LCLAT1: variants seen among roughly 807,000 people sequenced by gnomAD.
The protein encoded by LCLAT1 is 1-AGP acyltransferase 8.
A neutral mutation model predicts 30.7 loss-of-function variants in LCLAT1; 11 were observed. The ratio of observed to expected loss-of-function variants is 0.36; its 90% CI spans 0.23 to 0.59. The LOEUF is 0.59. Among genes scored for constraint, LCLAT1 ranks in the 20% least tolerant of loss-of-function variants. The pLI is 0.77. For missense variants in LCLAT1, 402 were observed against 458.6 expected (o/e 0.88, Z 1.13); for synonymous variants, 155 against 151.3 (o/e 1.02, Z -0.18).
intron 5 of LCLAT1, among the ~76,000 whole-genome samples, chr2:30,626,545 T>C (rs575711936): frequency 1.2e-4 from 18 of 152,314 alleles, no homozygotes; most frequent in Non-Finnish European, 2.2e-4. Context: ...TACTTATGCT[T>C]TTTCCCCTCA....
Position 30,525,753 on chromosome 2 carries a change from G to T in LCLAT1, c.163G>T (p.Val55Leu), listed in dbSNP as rs1685687001. Residue 55 changes from valine to leucine, a missense_variant and splice_region_variant, in exon 2 of 6, where the codon GTG becomes TTG. Transcript: ENST00000379509. The stretch of plus-strand genomic sequence containing the variant: ...TGTGGCAACATGGCTCACCCTACCT[G>T]TGGTAAGTTACACACCAGAGGAGAC... ...RLVATWLTLP[V>L]ALLETMFGVK... The T allele has an allele frequency of 6.2e-7, 1 of 1,613,882 alleles. No homozygotes were observed.
At chr2:30,562,592 T>G (rs916759901) in intron 4 of LCLAT1, among the ~76,000 whole-genome samples, 5 of 152,186 alleles carry the variant, frequency 3.3e-5, no homozygotes, top group African/African-American at 1.2e-4. Flanking sequence ...GACTCAGAAC[T>G]CTTGGTTTCT....
intron 2 of LCLAT1, among the ~76,000 whole-genome samples, chr2:30,530,082 C>T (rs1036647081): frequency 6.6e-6 from 1 of 152,152 alleles, no homozygotes; most frequent in Non-Finnish European, 1.5e-5. Context: ...TTGGAAAATG[C>T]TTCCATATTT....
At chr2:30,447,883 C>T (rs540387697) in intron 1 of LCLAT1, among the ~76,000 whole-genome samples, 14 of 152,214 alleles carry the variant, frequency 9.2e-5, no homozygotes, top group Non-Finnish European at 1.5e-4. Context: ...GTTGTCTTCC[C>T]TGCGAGTCCT....
chr2:30,568,245 C>T, intron 5 of LCLAT1, 69 bp downstream of exon 5: 1 of 674,788 alleles, frequency 1.5e-6, no homozygotes, highest in Non-Finnish European at 2.5e-6. Flanking sequence ...ATATATAGCC[C>T]TTTAGAGTTT....
At chr2:30,614,350 T>G (rs1667888374) in intron 5 of LCLAT1, among the ~76,000 whole-genome samples, 1 of 150,328 alleles carries the variant, frequency 6.7e-6, no homozygotes, top group African/African-American at 2.5e-5. Flanking sequence ...AGAAGAATTT[T>G]TCTTAGTACA....
chr2:30,577,011 GTTGAAAATTAT>G (rs1363445856), intron 5 of LCLAT1, among the ~76,000 whole-genome samples: 1 of 151,312 alleles, frequency 6.6e-6, no homozygotes, highest in Non-Finnish European at 1.5e-5. Context: ...ACTTATTAAT[GTTGAAAATTAT>G]TTGCATAGCT....
intron 1 of LCLAT1, chr2:30,459,789 T>G: frequency 7.7e-6 from 8 of 1,035,712 alleles, no homozygotes; most frequent in Non-Finnish European, 1.2e-5. Context: ...AACACAAAGC[T>G]TTTTGAATTG....
chr2:30,503,565 G>A (rs1572537244), intron 1 of LCLAT1, among the ~76,000 whole-genome samples: 1 of 152,216 alleles, frequency 6.6e-6, no homozygotes, highest in African/African-American at 2.4e-5. Flanking sequence ...ACTTAGCATG[G>A]GTGTATGTGG....
At position 30,637,794 on chromosome 2, in the gene LCLAT1, T is replaced by C. The variant is rs550177771; in HGVS notation, c.629-2323T>C. Among the ~76,000 whole-genome samples the C allele has an allele frequency of 2.0e-5, 3 of 152,246 alleles. No homozygotes were observed. The East Asian group carries it at 5.8e-4, about 29-fold the overall frequency. On this transcript the variant is annotated intron_variant, in intron 5 of 5. Transcript: ENST00000379509. ...GGTTTCACCATCTTGGTCAGGCTGG[T>C]CTCGAACTCCTGACCTCAGGTGATC...
At chr2:30,583,217 A>G (rs930291186) in intron 5 of LCLAT1, among the ~76,000 whole-genome samples, 8 of 152,212 alleles carry the variant, frequency 5.3e-5, no homozygotes, top group Non-Finnish European at 1.0e-4. Flanking sequence ...CTTAATTTGC[A>G]ATTTGAGGAG....
At chr2:30,466,341 A>G (rs1175607661) in intron 1 of LCLAT1, among the ~76,000 whole-genome samples, 2 of 149,750 alleles carry the variant, frequency 1.3e-5, no homozygotes, top group South Asian at 2.1e-4. Flanking sequence ...TGATCCTCCC[A>G]CCTTGGCTTC....
In LCLAT1 at chr2:30,450,413, G is replaced by T. The variant is rs116681074; in HGVS notation, c.-5+3030G>T. Reference sequence around the variant, plus strand: ...CCAGGTTGTGAACTCTTAGCTAAGAGAGTGGGAACTCTCCTGCGGGCAGTG... The same window carrying T: ...CCAGGTTGTGAACTCTTAGCTAAGATAGTGGGAACTCTCCTGCGGGCAGTG... On this transcript the variant is annotated intron_variant, in intron 1 of 5. Transcript: ENST00000379509. Among the ~76,000 whole-genome samples the T allele has an allele frequency of 7.6e-3, 1,058 of 139,220 alleles. 11 individuals are homozygous for T. Among genetic ancestry groups the T allele is most frequent in the African/African-American group, 0.026 (1,004 of 38,688 alleles). 91.3% of individuals were successfully genotyped at this position (139,220 alleles called of 152,430 possible). A position where few individuals can be genotyped will look rare whatever the true frequency, so the allele number is the denominator to read the frequency against.
intron 5 of LCLAT1, among the ~76,000 whole-genome samples, chr2:30,573,029 T>C (rs17009805): frequency 0.13 from 19,158 of 152,224 alleles, 1,333 homozygotes; most frequent in South Asian, 0.23. Flanking sequence ...TTTTTCTCAA[T>C]ACTGGTTCAT....
chr2:30,453,065 A>G (rs1447291438), intron 1 of LCLAT1, among the ~76,000 whole-genome samples: 3 of 152,146 alleles, frequency 2.0e-5, no homozygotes, highest in Non-Finnish European at 2.9e-5. Context: ...TGTTCTAGGG[A>G]CAAAGATAAA....
At chr2:30,541,805 T>C (rs1034186405) in intron 3 of LCLAT1, among the ~76,000 whole-genome samples, 6 of 149,394 alleles carry the variant, frequency 4.0e-5, no homozygotes, top group African/African-American at 1.5e-4. Context: ...GTAACTTCCA[T>C]ACAATTTTTC....
rs573983558 is a variant in LCLAT1, at chr2:30,562,473, C to T, written c.511+181C>T. Among the ~76,000 whole-genome samples, 3 of 152,174 alleles carry T rather than the reference C, an allele frequency of 2.0e-5. No homozygotes were observed. The South Asian group carries it at 6.2e-4, about 32-fold the overall frequency. ...ATGGATTGAGTCCAGAAGTTTGAGA[C>T]CAGCCTGAGCTACATAGCGAGACTT... On this transcript the variant is annotated intron_variant, in intron 4 of 5. Coordinates refer to ENST00000379509, the MANE Select transcript of LCLAT1 (RefSeq NM_001002257.3).
chr2:30,554,512 C>G (rs1297464157), intron 3 of LCLAT1, among the ~76,000 whole-genome samples: 1 of 152,090 alleles, frequency 6.6e-6, no homozygotes, highest in Non-Finnish European at 1.5e-5. Context: ...CTGGTTTTAC[C>G]ACTTACCATG....
At chr2:30,619,395 C>T (rs1451324847) in intron 5 of LCLAT1, among the ~76,000 whole-genome samples, 1 of 152,210 alleles carries the variant, frequency 6.6e-6, no homozygotes, top group Non-Finnish European at 1.5e-5. Flanking sequence ...TTCCAGCTCA[C>T]CCTGGCATTA....
Sources: gnomAD v4.1 joint callset for allele counts (sites outside exome capture counted in the v4.1 genomes callset) on GRCh38, gnomAD v4.1.1 for gene constraint, MANE v1.5 for transcripts, NCBI Gene and HGNC (gene_info 2026-07-23, HGNC 2026-07-21) for gene names.